The following DOCK4 variants were observed in gnomAD, a reference collection of about 807,000 sequenced individuals.
DOCK4 encodes dedicator of cytokinesis 4.
In DOCK4, 97 loss-of-function variants were observed where a neutral mutation model predicts 268.1. The observed-to-expected ratio is 0.36, with a 90% CI of 0.31 to 0.43. The LOEUF is 0.43. Ranked by LOEUF, DOCK4 falls within the 20% of genes least tolerant of loss-of-function variation. The probability of loss-of-function intolerance (pLI) is 1.00; values close to 1 mark genes in which losing one functional copy is unlikely to be tolerated. For missense variants in DOCK4, 2,145 were observed against 2,455.7 expected (o/e 0.87, Z 2.67); for synonymous variants, 954 against 887.2 (o/e 1.08, Z -1.34).
At chr7:111,962,817 G>A (rs1797035058) in intron 8 of DOCK4, among the ~76,000 whole-genome samples, 1 of 152,152 alleles carries the variant, frequency 6.6e-6, no homozygotes, top group South Asian at 2.1e-4. Context: ...ACCTAGAAAA[G>A]TATGTGAATA....
chr7:112,183,653 T>A (rs1819243114), intron 1 of DOCK4, among the ~76,000 whole-genome samples: 1 of 152,170 alleles, frequency 6.6e-6, no homozygotes, highest in Non-Finnish European at 1.5e-5. Flanking sequence ...GTCCAATCAC[T>A]CATTTATCAA....
At chr7:112,110,133 A>G (rs763971419) in intron 1 of DOCK4, among the ~76,000 whole-genome samples, 1 of 151,520 alleles carries the variant, frequency 6.6e-6, no homozygotes, top group Non-Finnish European at 1.5e-5. Flanking sequence ...CCAAATATGA[A>G]TAGGAGCTTC....
At chr7:111,859,984 T>G (rs967571739) in intron 23 of DOCK4, among the ~76,000 whole-genome samples, 1 of 152,200 alleles carries the variant, frequency 6.6e-6, no homozygotes, top group African/African-American at 2.4e-5. Context: ...CAGTTTTATA[T>G]TGTCCCTCTT....
intron 30 of DOCK4, among the ~76,000 whole-genome samples, chr7:111,796,512 T>A (rs2133834376): frequency 6.6e-6 from 1 of 152,374 alleles, no homozygotes; most frequent in South Asian, 2.1e-4. Flanking sequence ...TGTAGTCAAA[T>A]GTTAGTCTCA....
At chr7:112,176,825 C>A (rs1046707163) in intron 1 of DOCK4, among the ~76,000 whole-genome samples, 1 of 152,136 alleles carries the variant, frequency 6.6e-6, no homozygotes, top group Non-Finnish European at 1.5e-5. Context: ...TGAAATTGCA[C>A]ATAATATAAA....
rs867308897 is a variant in DOCK4 at position 111,876,701 on chromosome 7, A to C, written c.1744+329T>G. On this transcript the variant is annotated intron_variant, in intron 17 of 52. Transcript: ENST00000428084. ...CTTTATTCTAAAGCCTGCAATTAGC[A>C]CTGTTTATGGAGCTATAAAACACGA... Among the ~76,000 whole-genome samples, 6 of 151,600 alleles carry C rather than the reference A, an allele frequency of 4.0e-5. No individual in the cohort carries two copies. In the East Asian group the frequency reaches 1.2e-3, roughly 29 times the overall value.
In DOCK4 at chr7:112,206,348, A is replaced by G. The variant is rs973780689; in HGVS notation, c.-210T>C. 3.0e-5 allele frequency: 18 copies of G among 598,198 alleles called. No homozygotes were observed. In the African/African-American group the frequency reaches 3.3e-4, roughly 11 times the overall value. The allele number at this position is 598,198 out of a possible 1,614,324, so 37.1% of individuals were successfully genotyped here. A position where few individuals can be genotyped will look rare whatever the true frequency, so the allele number is the denominator to read the frequency against. On this transcript the variant is annotated 5_prime_UTR_variant, in exon 1 of 53. Coordinates refer to ENST00000428084, the MANE Select transcript of DOCK4 (RefSeq NM_001363540.2). ...AGCTCTCCCGGCGGCGGCTGCTCAC[A>G]GTCCTCCGACGCGCTCCCGGGTACC...
chr7:111,891,797 A>G (rs1338285632), intron 16 of DOCK4, among the ~76,000 whole-genome samples: 1 of 152,168 alleles, frequency 6.6e-6, no homozygotes, highest in Non-Finnish European at 1.5e-5. Flanking sequence ...AAGGTTTCAA[A>G]TTTTTTAACT....
rs569414348 is a variant in DOCK4 at position 112,101,264 on chromosome 7, A to G, written c.38-97133T>C. Among the ~76,000 whole-genome samples, 25 of 152,340 alleles carry G rather than the reference A, an allele frequency of 1.6e-4. No individual in the cohort carries two copies. The South Asian group carries it at 1.9e-3, about 11-fold the overall frequency. ...GTGTAAGGTCATGCTGATTTACTAT[A>G]TATTTCACATGCTAGTTAAGAAAGT... On this transcript the variant is annotated intron_variant, in intron 1 of 52. Coordinates refer to ENST00000428084, the MANE Select transcript of DOCK4 (RefSeq NM_001363540.2).
At chr7:112,018,586 T>C (rs555786766) in intron 1 of DOCK4, among the ~76,000 whole-genome samples, 5 of 152,338 alleles carry the variant, frequency 3.3e-5, no homozygotes, top group Non-Finnish European at 5.9e-5. Context: ...TCAGAAACTA[T>C]TGATTCCAGA....
At chr7:112,143,992 A>G (rs1049657817) in intron 1 of DOCK4, among the ~76,000 whole-genome samples, 1 of 152,248 alleles carries the variant, frequency 6.6e-6, no homozygotes, top group Non-Finnish European at 1.5e-5. Context: ...CTGCCAGAAT[A>G]TAGCAGAAAG....
intron 1 of DOCK4, among the ~76,000 whole-genome samples, chr7:112,036,656 CTTTTTTTT>C (rs57264652): frequency 1.9e-5 from 2 of 106,268 alleles, no homozygotes; most frequent in Non-Finnish European, 3.9e-5. Flanking sequence ...TAGAGGATTT[CTTTTTTTT>C]TTTTTTTTTT....
At chr7:112,141,207 A>G (rs1392031391) in intron 1 of DOCK4, among the ~76,000 whole-genome samples, 3 of 152,160 alleles carry the variant, frequency 2.0e-5, no homozygotes, top group African/African-American at 7.2e-5. Context: ...AACCCCTCTG[A>G]AAAATCCTCA....
intron 17 of DOCK4, among the ~76,000 whole-genome samples, chr7:111,876,649 T>C (rs1415777353): frequency 1.3e-5 from 2 of 151,622 alleles, no homozygotes; most frequent in South Asian, 2.1e-4. Context: ...TGAAAAGCAA[T>C]ATGCATCTAA....
At chr7:111,730,819 A>T (rs1795034596) in intron 52 of DOCK4, among the ~76,000 whole-genome samples, 1 of 152,214 alleles carries the variant, frequency 6.6e-6, no homozygotes, top group African/African-American at 2.4e-5. Flanking sequence ...TATGGCCAGT[A>T]AAAATGTACA....
chr7:112,050,765 C>T (rs6943599), intron 1 of DOCK4, among the ~76,000 whole-genome samples: 4,062 of 152,176 alleles, frequency 0.027, 188 homozygotes, highest in African/African-American at 0.092. Flanking sequence ...TTGCTCATTT[C>T]AATCCCGATT....
intron 1 of DOCK4, among the ~76,000 whole-genome samples, chr7:112,125,643 A>G (rs1487649989): frequency 6.6e-6 from 1 of 152,204 alleles, no homozygotes; most frequent in Non-Finnish European, 1.5e-5. Flanking sequence ...CAAGTTATTT[A>G]ACTCTCTAAG....
intron 1 of DOCK4, among the ~76,000 whole-genome samples, chr7:112,013,048 C>T (rs980818710): frequency 2.0e-5 from 3 of 152,170 alleles, no homozygotes; most frequent in Admixed American, 6.5e-5. Context: ...CCTCCACACA[C>T]ACCACTTTAA....
At chr7:112,106,394 C>G (rs892667176) in intron 1 of DOCK4, among the ~76,000 whole-genome samples, 37 of 152,172 alleles carry the variant, frequency 2.4e-4, no homozygotes, top group African/African-American at 8.7e-4. Flanking sequence ...CCTTTCTGAA[C>G]AATGCATATA....
Sources: gnomAD v4.1 joint callset for allele counts (sites outside exome capture counted in the v4.1 genomes callset) on GRCh38, gnomAD v4.1.1 for gene constraint, MANE v1.5 for transcripts, NCBI Gene and HGNC (gene_info 2026-07-23, HGNC 2026-07-21) for gene names.